Variants in SPIDR observed in about 807,000 individuals in gnomAD.
SPIDR encodes scaffold protein involved in DNA repair.
In SPIDR, 93 loss-of-function variants were observed where a neutral mutation model predicts 104.6. The ratio of observed to expected loss-of-function variants is 0.89; its 90% CI spans 0.75 to 1.06. The LOEUF is 1.06. Among genes scored for constraint, SPIDR ranks in the 50% least tolerant of loss-of-function variants. The pLI, the probability that SPIDR is intolerant of heterozygous loss-of-function variation, is 0.00. For synonymous variants in SPIDR, 431 were observed against 416.9 expected (o/e 1.03, Z -0.41); for missense variants, 1,154 against 1,111.2 (o/e 1.04, Z -0.55).
intron 2 of SPIDR, among the ~76,000 whole-genome samples, chr8:47,280,602 A>C (rs2037573085): frequency 6.6e-6 from 1 of 152,234 alleles, no homozygotes; most frequent in East Asian, 1.9e-4. Flanking sequence ...CATGTTGGCC[A>C]GGCTGGTTTG....
intron 5 of SPIDR, among the ~76,000 whole-genome samples, chr8:47,387,205 C>T (rs1443646349): frequency 2.6e-5 from 4 of 152,112 alleles, no homozygotes; most frequent in African/African-American, 7.2e-5. Flanking sequence ...ACGTCAGAAG[C>T]GCTGGGGAGC....
intron 5 of SPIDR, among the ~76,000 whole-genome samples, chr8:47,314,982 A>T (rs2045026653): frequency 6.6e-6 from 1 of 152,172 alleles, no homozygotes; most frequent in African/African-American, 2.4e-5. Context: ...TATAAGATGG[A>T]GTTGTTATAT....
intron 7 of SPIDR, among the ~76,000 whole-genome samples, chr8:47,411,789 T>G (rs1400343842): frequency 6.6e-5 from 10 of 152,188 alleles, no homozygotes; most frequent in Admixed American, 6.5e-4. Context: ...TGGTTTTAGG[T>G]CTAACATTTA....
intron 8 of SPIDR, among the ~76,000 whole-genome samples, chr8:47,566,715 T>G (rs550769950): frequency 6.6e-6 from 1 of 152,164 alleles, no homozygotes; most frequent in African/African-American, 2.4e-5. Flanking sequence ...AGTCAGTAGT[T>G]ACTGATCACC....
chr8:47,500,695 G>T (rs1264359870), intron 8 of SPIDR, among the ~76,000 whole-genome samples: 1 of 152,110 alleles, frequency 6.6e-6, no homozygotes, highest in Non-Finnish European at 1.5e-5. Context: ...GCTTTTGGTG[G>T]TTTAGATGTG....
intron 8 of SPIDR, chr8:47,511,566 C>A (rs900783725): frequency 1.3e-6 from 1 of 782,518 alleles, no homozygotes; most frequent in Admixed American, 1.7e-5. Flanking sequence ...CTCCATTATC[C>A]AGGCTGAATC....
chr8:47,640,792 C>T (rs922387106), intron 10 of SPIDR, among the ~76,000 whole-genome samples: 25 of 146,488 alleles, frequency 1.7e-4, no homozygotes, highest in Admixed American at 1.5e-3. Flanking sequence ...GTTCTCCTGC[C>T]TCAGCCTCCC....
intron 8 of SPIDR, among the ~76,000 whole-genome samples, chr8:47,539,427 G>A (rs2087655937): frequency 6.6e-6 from 1 of 151,978 alleles, no homozygotes; most frequent in African/African-American, 2.4e-5. Flanking sequence ...ATCCTACCTG[G>A]GGCTCAAGGC....
At chr8:47,435,458 A>G (rs987692514) in intron 7 of SPIDR, among the ~76,000 whole-genome samples, 5 of 152,200 alleles carry the variant, frequency 3.3e-5, no homozygotes, top group Non-Finnish European at 7.3e-5. Flanking sequence ...TTGAAGTTGA[A>G]TACTGTCCAT....
At chr8:47,364,735 C>T (rs1415587010) in intron 5 of SPIDR, among the ~76,000 whole-genome samples, 1 of 152,004 alleles carries the variant, frequency 6.6e-6, no homozygotes, top group African/African-American at 2.4e-5. Context: ...TAATGCCAGC[C>T]TGATAATCCA....
At chr8:47,284,978 T>C (rs1274555305) in intron 3 of SPIDR, among the ~76,000 whole-genome samples, 1 of 152,250 alleles carries the variant, frequency 6.6e-6, no homozygotes, top group South Asian at 2.1e-4. Context: ...GGCTTGTGAC[T>C]TCCGGGATCT....
chr8:47,733,293 A>G (rs2085569456), intron 19 of SPIDR, among the ~76,000 whole-genome samples: 1 of 152,216 alleles, frequency 6.6e-6, no homozygotes, highest in Non-Finnish European at 1.5e-5. Flanking sequence ...AGGCTGAGGC[A>G]GGAGAACTGC....
intron 8 of SPIDR, among the ~76,000 whole-genome samples, chr8:47,458,025 G>A (rs542448851): frequency 6.6e-6 from 1 of 152,236 alleles, no homozygotes; most frequent in South Asian, 2.1e-4. Flanking sequence ...ATCAGGTAAT[G>A]TCATGCCTCC....
At chr8:47,306,327 G>A (rs1227981126) in intron 5 of SPIDR, among the ~76,000 whole-genome samples, 3 of 152,178 alleles carry the variant, frequency 2.0e-5, no homozygotes, top group Non-Finnish European at 4.4e-5. Context: ...TTTTACTAGA[G>A]ACAGGGCTTC....
chr8:47,668,439 C>T (rs901518359), intron 10 of SPIDR, among the ~76,000 whole-genome samples: 3 of 151,442 alleles, frequency 2.0e-5, no homozygotes, highest in Admixed American at 2.0e-4. Flanking sequence ...ACAGATAAAG[C>T]ATTTGATAAG....
intron 8 of SPIDR, among the ~76,000 whole-genome samples, chr8:47,559,863 CA>C (rs1395999071): frequency 6.6e-6 from 1 of 152,214 alleles, no homozygotes; most frequent in Non-Finnish European, 1.5e-5. Context: ...TTAACAAACA[CA>C]AACAGAAACT....
chr8:47,549,238 A>T, intron 8 of SPIDR, among the ~76,000 whole-genome samples: 2 of 152,188 alleles, frequency 1.3e-5, no homozygotes, highest in East Asian at 3.8e-4. Flanking sequence ...ATATGTGTGC[A>T]TGTGTCTTTA....
chr8:47,424,643 A>T (rs79189864), intron 7 of SPIDR, among the ~76,000 whole-genome samples: 2 of 151,740 alleles, frequency 1.3e-5, no homozygotes, highest in Admixed American at 6.6e-5. Context: ...AATGCAAAAA[A>T]CCTTCTTTGT....
Position 47,319,430 on chromosome 8 carries a change from C to T in SPIDR, c.525+25400C>T, listed in dbSNP as rs1423337647. ...TATATATGCACCCAATACGGGAGCA[C>T]CCAGATTCATAAAGCAAGTCCTTAG... On this transcript the variant is annotated intron_variant, in intron 5 of 19. Coordinates refer to ENST00000297423, the MANE Select transcript of SPIDR (RefSeq NM_001080394.4). Among the ~76,000 whole-genome samples the T allele has an allele frequency of 2.0e-5, 3 of 152,290 alleles. No individual in the cohort carries two copies. In the East Asian group the frequency reaches 5.8e-4, roughly 29 times the overall value.
Sources: allele counts gnomAD v4.1 joint callset (sites outside exome capture counted in the v4.1 genomes callset), GRCh38; gene constraint gnomAD v4.1.1; transcripts MANE v1.5; gene names NCBI Gene and HGNC (gene_info 2026-07-23, HGNC 2026-07-21).